Variants in SOS1 observed in about 807,000 individuals in gnomAD.
SOS1 encodes the protein son of sevenless homolog 1.
SOS1 carries 25 observed loss-of-function variants against 157.6 expected under a neutral mutation model. The ratio of observed to expected loss-of-function variants is 0.16; its 90% CI spans 0.12 to 0.22. The LOEUF is 0.22. Among genes scored for constraint, SOS1 ranks in the 10% least tolerant of loss-of-function variants. The probability of loss-of-function intolerance (pLI) is 1.00; values close to 1 mark genes in which losing one functional copy is unlikely to be tolerated. For synonymous variants in SOS1, 528 were observed against 534.0 expected, an observed-to-expected ratio of 0.99 and a Z score of 0.16; for missense variants, 1,237 against 1,599.1, an observed-to-expected ratio of 0.77 and a Z score of 3.86.
intron 2 of SOS1, among the ~76,000 whole-genome samples, chr2:39,064,647 A>C (rs1277110070): frequency 6.6e-6 from 1 of 151,826 alleles, no homozygotes; most frequent in African/African-American, 2.4e-5. Context: ...TCTCCAATCA[A>C]CACAGCCTCT....
intron 8 of SOS1, among the ~76,000 whole-genome samples, chr2:39,025,799 C>A (rs1336519392): frequency 1.3e-5 from 2 of 152,108 alleles, no homozygotes; most frequent in South Asian, 4.1e-4. Flanking sequence ...TACATGCATG[C>A]GCATGCACAT....
rs1391937783 is a variant in SOS1, at chr2:39,073,245, T to C, written c.88-5492A>G. On this transcript the variant is annotated intron_variant, in intron 1 of 22. Transcript: ENST00000402219. ...TGATTCAGAGTTGCATGTGTGTTTA[T>C]GAGCAATTATAAATAAGCATTTCAA... Among the ~76,000 whole-genome samples the C allele has an allele frequency of 2.6e-5, 4 of 152,356 alleles. No homozygotes were observed. In the East Asian group the frequency reaches 7.7e-4, roughly 29 times the overall value.
At chr2:39,049,076 C>T (rs1645458802) in intron 6 of SOS1, among the ~76,000 whole-genome samples, 1 of 152,070 alleles carries the variant, frequency 6.6e-6, no homozygotes, top group South Asian at 2.1e-4. Context: ...TACCACCACG[C>T]CCGGCTAATT....
intron 16 of SOS1, among the ~76,000 whole-genome samples, chr2:39,006,801 C>G (rs1051611837): frequency 1.3e-5 from 2 of 152,026 alleles, no homozygotes; most frequent in Non-Finnish European, 2.9e-5. Context: ...AAATTAAGTG[C>G]CGAAAGTTTT....
At chr2:39,006,729 A>G (rs1669293802) in intron 16 of SOS1, among the ~76,000 whole-genome samples, 200 bp from the exon 17 acceptor site, 1 of 152,178 alleles carries the variant, frequency 6.6e-6, no homozygotes, top group African/African-American at 2.4e-5. Flanking sequence ...TGTGAGAGAG[A>G]TCTAGTTTAT....
chr2:39,071,897 C>T (rs1671806906), intron 1 of SOS1, among the ~76,000 whole-genome samples: 1 of 149,742 alleles, frequency 6.7e-6, no homozygotes, highest in Admixed American at 6.6e-5. Context: ...GTTTTTTTAT[C>T]TGCCTATTTG....
chr2:39,013,300 T>C (rs564850383), intron 13 of SOS1, among the ~76,000 whole-genome samples, 160 bp downstream of exon 13: 1 of 152,242 alleles, frequency 6.6e-6, no homozygotes, highest in South Asian at 2.1e-4. Flanking sequence ...CATTTGCAGG[T>C]CTAAATGCTA....
At chr2:39,064,881 G>A (rs1671541695) in intron 2 of SOS1, among the ~76,000 whole-genome samples, 1 of 149,026 alleles carries the variant, frequency 6.7e-6, no homozygotes. Flanking sequence ...CCAAGGAGTT[G>A]GGATTACAGG....
chr2:39,014,749 T>G lies in SOS1; in HGVS notation c.1940+16A>C. The G allele has an allele frequency of 7.4e-7, 1 of 1,346,314 alleles. No homozygotes were observed. The highest frequency in any genetic ancestry group is 1.1e-6 in the Non-Finnish European group (1 of 945,886). The allele number at this position is 1,346,314 out of a possible 1,614,324, so 83.4% of individuals were successfully genotyped here. On this transcript the variant is annotated intron_variant, in intron 11 of 22. Coordinates refer to ENST00000402219, the MANE Select transcript of SOS1 (RefSeq NM_005633.4). ...ACAAAAAATAATGAATTTAAATATT[T>G]TTTAAATGGACAGACCTTTCTATTA... is the stretch of plus-strand genomic sequence containing the variant.
chr2:39,102,278 T>G (rs1226270499), intron 1 of SOS1, among the ~76,000 whole-genome samples: 2 of 138,548 alleles, frequency 1.4e-5, no homozygotes, highest in Non-Finnish European at 3.1e-5. Flanking sequence ...AACCCAGCAC[T>G]TTGGGAGGCT....
intron 5 of SOS1, among the ~76,000 whole-genome samples, chr2:39,051,809 T>G (rs149630073): frequency 5.8e-4 from 89 of 152,314 alleles, no homozygotes; most frequent in African/African-American, 1.9e-3. Flanking sequence ...TCATATCTAT[T>G]TCTGCATACA....
intron 17 of SOS1, among the ~76,000 whole-genome samples, chr2:39,004,039 T>G (rs1669199925): frequency 6.6e-6 from 1 of 152,176 alleles, no homozygotes; most frequent in Admixed American, 6.5e-5. Context: ...TGCCCCCTGC[T>G]GAGAATCACT....
intron 1 of SOS1, among the ~76,000 whole-genome samples, chr2:39,069,346 C>T (rs560426452): frequency 1.9e-4 from 29 of 151,840 alleles, no homozygotes; most frequent in African/African-American, 6.8e-4. Flanking sequence ...AACCACTGTA[C>T]TCCAGCCTGG....
At position 39,023,118 on chromosome 2, in the gene SOS1, A is replaced by C. The variant is rs397517150; in HGVS notation, c.1310T>G (p.Ile437Ser). The C allele has an allele frequency of 6.2e-7, 1 of 1,613,456 alleles. No homozygotes were observed. Among genetic ancestry groups the C allele is most frequent in the South Asian group, 1.1e-5 (1 of 91,034 alleles). Residue 437 changes from isoleucine to serine, a missense_variant, in exon 10 of 23, where the codon ATT (isoleucine) becomes AGT (serine). Physicochemically the swap from Ile to Ser is moderately radical, Grantham distance 142 (BLOSUM62 -2). This residue lies in a region of SOS1 where 210 missense variants were observed against 220.2 expected (regional missense o/e 0.95). Coordinates refer to ENST00000402219, the MANE Select transcript of SOS1 (RefSeq NM_005633.4). Reference sequence around the variant, plus strand: ...TATAAATTCATTACAACACTGTCCAATGTCTTTTCCCTCCCAACCATCAAT... The same window carrying C: ...TATAAATTCATTACAACACTGTCCACTGTCTTTTCCCTCCCAACCATCAAT... ...KNIDGWEGKD[I>S]GQCCNEFIME...
intron 1 of SOS1, among the ~76,000 whole-genome samples, chr2:39,096,766 G>C (rs1672779861): frequency 6.6e-6 from 1 of 151,902 alleles, no homozygotes; most frequent in Non-Finnish European, 1.5e-5. Flanking sequence ...GGCGCCTGTA[G>C]TCCCAGCTAC....
Position 38,985,583 on chromosome 2 carries a change from T to C in SOS1, c.*241A>G, listed in dbSNP as rs1029003276. 1 of 490,338 alleles carries C rather than the reference T, an allele frequency of 2.0e-6. No homozygotes were observed. Among genetic ancestry groups the C allele is most frequent in the African/African-American group, 1.9e-5 (1 of 51,284 alleles). The allele number at this position is 490,338 out of a possible 1,614,324, so 30.4% of individuals were successfully genotyped here. On this transcript the variant is annotated 3_prime_UTR_variant, in exon 23 of 23. Transcript: ENST00000402219. ...TGGCCAGAAAAAGTCCCTTTATGATTTTCAGGTGCAATCAGTTGTCCAATT... is the reference window on the plus strand; with the variant it reads ...TGGCCAGAAAAAGTCCCTTTATGATCTTCAGGTGCAATCAGTTGTCCAATT...
chr2:39,087,364 A>G (rs1375472180), intron 1 of SOS1, among the ~76,000 whole-genome samples: 1 of 151,784 alleles, frequency 6.6e-6, no homozygotes, highest in Non-Finnish European at 1.5e-5. Context: ...CTGTCATATG[A>G]TAACAGCCAT....
At chr2:39,025,598 G>C (rs1669932867) in intron 8 of SOS1, among the ~76,000 whole-genome samples, 1 of 151,614 alleles carries the variant, frequency 6.6e-6, no homozygotes, top group Non-Finnish European at 1.5e-5. Flanking sequence ...GACCTCAAGT[G>C]ATCTGCCTGC....
At chr2:38,994,561 G>T (rs1242636498) in intron 20 of SOS1, among the ~76,000 whole-genome samples, 2 of 152,168 alleles carry the variant, frequency 1.3e-5, no homozygotes, top group African/African-American at 4.8e-5. Context: ...TATCTGAAAT[G>T]CTTGGGACCA....
Sources: allele counts gnomAD v4.1 joint callset (sites outside exome capture counted in the v4.1 genomes callset), GRCh38; gene constraint gnomAD v4.1.1; regional missense constraint gnomAD v4.1.1; transcripts MANE v1.5; gene names NCBI Gene and HGNC (gene_info 2026-07-23, HGNC 2026-07-21).